CTNNB1: variants seen among roughly 807,000 people sequenced by gnomAD.
CTNNB1 encodes the protein catenin beta-1.
In CTNNB1, 6 loss-of-function variants were observed where a neutral mutation model predicts 82.5. The observed-to-expected ratio is 0.07, with a 90% CI of 0.04 to 0.14. The LOEUF (loss-of-function observed/expected upper bound fraction) is 0.14. Ranked by LOEUF, CTNNB1 falls within the 10% of genes least tolerant of loss-of-function variation. CTNNB1 has a pLI of 1.00. For missense variants in CTNNB1, 529 were observed against 980.4 expected, an observed-to-expected ratio of 0.54 and a Z score of 6.15; for synonymous variants, 312 against 329.7, an observed-to-expected ratio of 0.95 and a Z score of 0.58.
intron 13 of CTNNB1, chr3:41,237,205 C>T (rs1299798892): frequency 5.7e-6 from 1 of 175,660 alleles, no homozygotes; most frequent in African/African-American, 2.4e-5. Context: ...ATTGATGGTA[C>T]ACAGACATAC....
Position 41,199,530 on chromosome 3 carries a change from G to C in CTNNB1, c.-189G>C, listed in dbSNP as rs1289162852. Reference sequence around the variant, plus strand: ...AAGCCTCTCGGTCTGTGGCAGCAGCGTTGGCCCGGCCCCGGGAGCGGAGAG... The same window carrying C: ...AAGCCTCTCGGTCTGTGGCAGCAGCCTTGGCCCGGCCCCGGGAGCGGAGAG... On this transcript the variant is annotated 5_prime_UTR_variant, in exon 1 of 15. Transcript: ENST00000349496. 6.5e-6 allele frequency: 1 copy of C among 153,152 alleles called. No homozygotes were observed. The highest frequency in any genetic ancestry group is 1.5e-5 in the Non-Finnish European group (1 of 68,936). 9.5% of individuals were successfully genotyped at this position (153,152 alleles called of 1,614,324 possible).
chr3:41,234,105 G>C (rs970655140), intron 9 of CTNNB1, 34 bp from the exon 10 acceptor site: 1 of 1,613,870 alleles, frequency 6.2e-7, no homozygotes, highest in East Asian at 2.2e-5. Flanking sequence ...TGATTTTGTT[G>C]AGTTGTATGC....
chr3:41,215,382 CAAAAAAA>C (rs35166040), intron 1 of CTNNB1, among the ~76,000 whole-genome samples: 5 of 48,848 alleles, frequency 1.0e-4, no homozygotes, highest in Non-Finnish European at 1.0e-4. Context: ...AACACCATCT[CAAAAAAA>C]AAAAAAAAAA....
chr3:41,202,337 C>G (rs2077550739), intron 1 of CTNNB1, among the ~76,000 whole-genome samples: 2 of 152,136 alleles, frequency 1.3e-5, no homozygotes, highest in Admixed American at 1.3e-4. Flanking sequence ...GACTGCCAAC[C>G]CGGGGCACAA....
intron 6 of CTNNB1, among the ~76,000 whole-genome samples, chr3:41,226,333 A>G (rs1405468854): frequency 6.6e-6 from 1 of 152,214 alleles, no homozygotes; most frequent in Non-Finnish European, 1.5e-5. Flanking sequence ...GATGTTGGGA[A>G]TAATAACCTA....
intron 1 of CTNNB1, among the ~76,000 whole-genome samples, chr3:41,212,926 T>TATTG (rs2077828325): frequency 1.3e-5 from 2 of 152,220 alleles, no homozygotes; most frequent in Non-Finnish European, 2.9e-5. Flanking sequence ...GCCACCACCA[T>TATTG]CTATCAGCTG....
chr3:41,219,449 A>G (rs1468811754), intron 1 of CTNNB1, among the ~76,000 whole-genome samples: 1 of 152,220 alleles, frequency 6.6e-6, no homozygotes, highest in Non-Finnish European at 1.5e-5. Context: ...GGGGCTTTTT[A>G]TGTATACTGT....
chr3:41,212,785 ATAGG>A (rs1280453701), intron 1 of CTNNB1, among the ~76,000 whole-genome samples: 1 of 152,230 alleles, frequency 6.6e-6, no homozygotes, highest in Non-Finnish European at 1.5e-5. Flanking sequence ...TGCAAGCCAG[ATAGG>A]TAGGAGTCAT....
intron 14 of CTNNB1, among the ~76,000 whole-genome samples, chr3:41,238,697 G>A (rs11564476): frequency 6.6e-6 from 1 of 152,128 alleles, no homozygotes; most frequent in Non-Finnish European, 1.5e-5. Context: ...ACTTTTGTGG[G>A]TGTCACTTGG....
rs2078539494 is a variant in CTNNB1, at chr3:41,239,984, CTCTTTTTTT to C, written c.*644_*652del. ...ACTGACTTTGCTTGCTTTGAAGTAG[CTCTTTTTTT>C]TTTTTTTTTTTTTTTTTTGCAGTAA... On this transcript the variant is annotated 3_prime_UTR_variant, in exon 15 of 15. Transcript: ENST00000349496. 13 of 58,956 alleles carry C rather than the reference CTCTTTTTTT, an allele frequency of 2.2e-4. No individual in the cohort carries two copies. The highest frequency in any genetic ancestry group is 1.9e-3 in the East Asian group (12 of 6,284). The allele number at this position is 58,956 out of a possible 1,614,324, so 3.7% of individuals were successfully genotyped here. A position where few individuals can be genotyped will look rare whatever the true frequency, so the allele number is the denominator to read the frequency against.
intron 1 of CTNNB1, chr3:41,221,161 A>G (rs889205739): frequency 6.6e-6 from 1 of 152,180 alleles, no homozygotes; most frequent in Non-Finnish European, 1.5e-5. Context: ...CAGCATTCTA[A>G]TGTAGTCTGT....
chr3:41,236,364 A>G lies in CTNNB1; in HGVS notation c.1819A>G (p.Ile607Val). 3 of 1,614,180 alleles carry G rather than the reference A, an allele frequency of 1.9e-6. No homozygotes were observed. Among genetic ancestry groups the G allele is most frequent in the Non-Finnish European group, 8.5e-7 (1 of 1,180,016 alleles). The change falls in exon 12 of 15, where the codon ATT becomes GTT. Residue 607 changes from isoleucine to valine, a missense_variant. Transcript: ENST00000349496. ...PLFVQLLYSP[I>V]ENIQRVAAGV... is the part of the protein sequence containing the mutation. The stretch of plus-strand genomic sequence containing the variant: ...TTCTCCTTAGCTGCTTTATTCTCCC[A>G]TTGAAAACATCCAAAGAGTAGCTGC...
chr3:41,205,579 A>G (rs2077631738), intron 1 of CTNNB1, among the ~76,000 whole-genome samples: 1 of 152,040 alleles, frequency 6.6e-6, no homozygotes, highest in Non-Finnish European at 1.5e-5. Flanking sequence ...GGAAGTCTGA[A>G]GCATGAGAAT....
chr3:41,210,832 C>G (rs2077765910), intron 1 of CTNNB1, among the ~76,000 whole-genome samples: 1 of 152,066 alleles, frequency 6.6e-6, no homozygotes, highest in African/African-American at 2.4e-5. Flanking sequence ...CTCTGTCACC[C>G]AGGCTGGAGT....
At chr3:41,220,757 A>G (rs1055578337) in intron 1 of CTNNB1, 1 of 152,246 alleles carries the variant, frequency 6.6e-6, no homozygotes, top group Admixed American at 6.5e-5. Flanking sequence ...ATGAATTGCT[A>G]GTATAAAACT....
intron 6 of CTNNB1, among the ~76,000 whole-genome samples, chr3:41,226,621 C>T (rs886129713): frequency 6.6e-6 from 1 of 152,106 alleles, no homozygotes; most frequent in Admixed American, 6.5e-5. Flanking sequence ...CTTAGCAGAT[C>T]TCATAGGGCT....
chr3:41,201,924 A>C (rs988074686), intron 1 of CTNNB1, among the ~76,000 whole-genome samples: 1 of 152,118 alleles, frequency 6.6e-6, no homozygotes, highest in Non-Finnish European at 1.5e-5. Context: ...TGCTTGTTTT[A>C]ATAACACCAC....
At position 41,225,798 on chromosome 3, in the gene CTNNB1, T is replaced by G. The variant is rs2125624593; in HGVS notation, c.873T>G (p.Val291=). 1 of 1,614,118 alleles carries G rather than the reference T, an allele frequency of 6.2e-7. No individual in the cohort carries two copies. The highest frequency in any genetic ancestry group is 8.5e-7 in the Non-Finnish European group (1 of 1,179,994). ...TTGCCTTGCTCAACAAAACAAATGTTAAATTCTTGGCTATTACGACAGACT... is the reference window on the plus strand; with the variant it reads ...TTGCCTTGCTCAACAAAACAAATGTGAAATTCTTGGCTATTACGACAGACT... The part of the protein sequence containing the change: ...KMVALLNKTN[V]KFLAITTDCL... The change falls in exon 6 of 15, where the codon GTT becomes GTG. Residue 291 remains valine (V), a synonymous_variant. Transcript: ENST00000349496. This position sits in a 1 kb window ranked among gnomAD's most constrained non-coding sequence, Gnocchi z 5.3.
chr3:41,236,050 G>A (rs1399252733), intron 11 of CTNNB1: 1 of 725,794 alleles, frequency 1.4e-6, no homozygotes, highest in Non-Finnish European at 2.3e-6. Context: ...TGGGTGCCTA[G>A]AGGGGAGAGC....
Sources: allele counts gnomAD v4.1 joint callset (sites outside exome capture counted in the v4.1 genomes callset), GRCh38; gene constraint gnomAD v4.1.1; non-coding constraint Gnocchi (gnomAD v3.1); transcripts MANE v1.5; gene names NCBI Gene and HGNC (gene_info 2026-07-23, HGNC 2026-07-21).